DNAH6: variants seen among roughly 807,000 people sequenced by gnomAD.
DNAH6 encodes the protein axonemal beta dynein heavy chain 6.
A neutral mutation model predicts 491.4 loss-of-function variants in DNAH6; 340 were observed. The ratio of observed to expected loss-of-function variants is 0.69; its 90% CI spans 0.63 to 0.76. The LOEUF is 0.76. DNAH6 is among the 30% of genes least tolerant of loss of function. The pLI is 0.00. For missense variants in DNAH6, 4,443 were observed against 4,972.2 expected, an observed-to-expected ratio of 0.89 and a Z score of 3.20; for synonymous variants, 1,603 against 1,686.1, an observed-to-expected ratio of 0.95 and a Z score of 1.21.
At position 84,640,561 on chromosome 2, in the gene DNAH6, T is replaced by C. The variant is rs1470440306; in HGVS notation, c.4953T>C (p.Ser1651=). 10 of 1,549,332 alleles carry C rather than the reference T, an allele frequency of 6.5e-6. No homozygotes were observed. The African/African-American group carries it at 1.4e-4, about 21-fold the overall frequency. Residue 1651 remains serine, a synonymous_variant, in exon 32 of 77, where the codon TCT becomes TCC. Coordinates refer to ENST00000389394, the MANE Select transcript of DNAH6 (RefSeq NM_001370.2). ...ACTTTGGCATGAGAGCTGTGAAGTC[T>C]GTCCTGGTCATGGCTGGGTAAGAAA... The part of the protein sequence containing the change: ...HYDFGMRAVK[S]VLVMAGSLKR...
At chr2:84,584,308 G>A (rs1415401527) in intron 15 of DNAH6, 58 bp downstream of exon 15, 1 of 1,512,398 alleles carries the variant, frequency 6.6e-7, no homozygotes, top group Admixed American at 1.8e-5. Context: ...TATTACATTT[G>A]TTTATTAAAG....
chr2:84,806,342 G>A (rs543712690), intron 71 of DNAH6, among the ~76,000 whole-genome samples: 3 of 152,196 alleles, frequency 2.0e-5, no homozygotes, highest in East Asian at 3.9e-4. Context: ...TTCCCAGGCC[G>A]GGCACAGTGG....
chr2:84,460,068 G>C, the DNAH6 span: 1 of 152,192 alleles, frequency 6.6e-6, no homozygotes, highest in Non-Finnish European at 1.5e-5. Flanking sequence ...AGGAACCTCA[G>C]AGAGTCCCAG....
intron 35 of DNAH6, among the ~76,000 whole-genome samples, chr2:84,656,299 G>A (rs1256383887): frequency 6.6e-6 from 1 of 151,982 alleles, no homozygotes; most frequent in African/African-American, 2.4e-5. Flanking sequence ...ACCATATTTG[G>A]GTAAATACCT....
intron 17 of DNAH6, among the ~76,000 whole-genome samples, chr2:84,594,742 T>C (rs1684414760): frequency 6.6e-6 from 1 of 152,210 alleles, no homozygotes; most frequent in Admixed American, 6.5e-5. Flanking sequence ...CTTCCTGTGC[T>C]GATGCCTATA....
intron 57 of DNAH6, 117 bp downstream of exon 57, chr2:84,713,376 C>T: frequency 2.2e-6 from 2 of 928,278 alleles, no homozygotes; most frequent in South Asian, 3.7e-5. Flanking sequence ...TCCCCTGTCT[C>T]CTATACACTC....
At chr2:84,672,239 A>G (rs1408086916) in intron 39 of DNAH6, 88 bp from the exon 40 acceptor site, 2 of 1,342,700 alleles carry the variant, frequency 1.5e-6, no homozygotes, top group African/African-American at 1.5e-5. Flanking sequence ...GTAGGATGTC[A>G]TTGAGTCCAA....
chr2:84,677,703 A>G (rs1427961429), intron 41 of DNAH6, among the ~76,000 whole-genome samples: 1 of 152,200 alleles, frequency 6.6e-6, no homozygotes, highest in Non-Finnish European at 1.5e-5. Flanking sequence ...CAAGTGCTCA[A>G]CAGATTGAGA....
At chr2:84,459,605 AG>A in the DNAH6 span, 2 of 273,914 alleles carry the variant, frequency 7.3e-6, no homozygotes, top group Non-Finnish European at 1.4e-5. Context: ...GAAGGGAGCG[AG>A]GGAAGAGCGG....
At chr2:84,533,936 T>A (rs1677424899) in intron 4 of DNAH6, among the ~76,000 whole-genome samples, 1 of 152,086 alleles carries the variant, frequency 6.6e-6, no homozygotes, top group South Asian at 2.1e-4. Flanking sequence ...GATCTTTTAA[T>A]TTTTTTTAAA....
intron 40 of DNAH6, among the ~76,000 whole-genome samples, 166 bp from the exon 41 acceptor site, chr2:84,676,838 AG>A (rs2104702864): frequency 6.6e-6 from 1 of 152,340 alleles, no homozygotes; most frequent in Non-Finnish European, 1.5e-5. Context: ...TCTATAAAAT[AG>A]GTGTAATTAT....
At position 84,604,152 on chromosome 2, in the gene DNAH6, C is replaced by T. The variant is rs10185994; in HGVS notation, c.2869-187C>T. On this transcript the variant is annotated intron_variant, in intron 18 of 76. Transcript: ENST00000389394. ...CCAAATTTGGAGTTTGTTCTGCCCCCGCAAACTTGGTTTTCTAATAGGCTC... is the reference window on the plus strand; with the variant it reads ...CCAAATTTGGAGTTTGTTCTGCCCCTGCAAACTTGGTTTTCTAATAGGCTC... Among the ~76,000 whole-genome samples, 10,249 of 152,172 alleles carry T rather than the reference C, an allele frequency of 0.067. 1,126 individuals are homozygous for T. The highest frequency in any genetic ancestry group is 0.23 in the African/African-American group (9,675 of 41,460).
chr2:84,625,135 C>T (rs890117020), intron 29 of DNAH6, 72 bp downstream of exon 29: 19 of 1,302,784 alleles, frequency 1.5e-5, no homozygotes, highest in Middle Eastern at 2.3e-4. Context: ...CATGACATAA[C>T]AAAATAAGGC....
intron 64 of DNAH6, chr2:84,778,367 T>C (rs1010547435): frequency 2.7e-6 from 1 of 364,812 alleles, no homozygotes; most frequent in African/African-American, 2.1e-5. Context: ...CCCAATTTCA[T>C]TTAGTTCTGC....
In DNAH6 at chr2:84,606,983, T is replaced by C; in HGVS notation, c.3182T>C (p.Leu1061Pro). Residue 1061 changes from leucine to proline, a missense_variant, in exon 21 of 77, where the codon CTT becomes CCT. Coordinates refer to ENST00000389394, the MANE Select transcript of DNAH6 (RefSeq NM_001370.2). ...CTTCCCCTTCCTTTAAAGGTCCTTC[T>C]TGATGATAGCACCATCAATGTTGCA... is the stretch of plus-strand genomic sequence containing the variant. ...LGGTDDIQVLLDDSTINVATL... is the reference protein window; with the variant it reads ...LGGTDDIQVLPDDSTINVATL... The C allele has an allele frequency of 2.6e-6, 4 of 1,550,898 alleles. No individual in the cohort carries two copies. Among genetic ancestry groups the C allele is most frequent in the Non-Finnish European group, 3.5e-6 (4 of 1,146,406 alleles).
At chr2:84,705,865 G>T in intron 52 of DNAH6, 118 bp downstream of exon 52, 3 of 1,184,256 alleles carry the variant, frequency 2.5e-6, no homozygotes, top group Non-Finnish European at 2.2e-6. Flanking sequence ...CAAAACTCTT[G>T]GAAATTAGCT....
intron 3 of DNAH6, 55 bp from the exon 4 acceptor site, chr2:84,528,849 T>C: frequency 6.9e-7 from 1 of 1,455,436 alleles, no homozygotes; most frequent in African/African-American, 1.4e-5. Flanking sequence ...TTGTTGCTCT[T>C]GTGTGTATGT....
chr2:84,539,566 T>C (rs1004911530), intron 4 of DNAH6, among the ~76,000 whole-genome samples: 2 of 152,070 alleles, frequency 1.3e-5, no homozygotes, highest in African/African-American at 4.8e-5. Context: ...TCAATTAGAG[T>C]TATGCATCAT....
intron 63 of DNAH6, among the ~76,000 whole-genome samples, chr2:84,756,796 T>G (rs1204180831): frequency 6.6e-6 from 1 of 152,240 alleles, no homozygotes; most frequent in African/African-American, 2.4e-5. Flanking sequence ...CCTTTGGAAA[T>G]GCCAGATGGC....
Sources: allele counts gnomAD v4.1 joint callset (sites outside exome capture counted in the v4.1 genomes callset), GRCh38; gene constraint gnomAD v4.1.1; transcripts MANE v1.5; gene names NCBI Gene and HGNC (gene_info 2026-07-23, HGNC 2026-07-21).